Variants in NCKAP1L observed in about 807,000 individuals in gnomAD.
The protein encoded by NCKAP1L is NCK associated protein 1 like, also known as nck-associated protein 1-like.
A neutral mutation model predicts 139.2 loss-of-function variants in NCKAP1L; 53 were observed. The ratio of observed to expected loss-of-function variants is 0.38; its 90% CI spans 0.31 to 0.48. The LOEUF (loss-of-function observed/expected upper bound fraction) is 0.48. Ranked by LOEUF, NCKAP1L falls within the 20% of genes least tolerant of loss-of-function variation. The pLI is 0.98. For synonymous variants in NCKAP1L, 468 were observed against 499.7 expected (o/e 0.94, Z 0.85); for missense variants, 1,151 against 1,381.9 (o/e 0.83, Z 2.65).
chr12:54,511,914 A>G (rs372315156), intron 8 of NCKAP1L, 35 bp from the exon 9 acceptor site: 66 of 1,614,034 alleles, frequency 4.1e-5, no homozygotes, highest in Non-Finnish European at 5.3e-5. Context: ...AACAAGTTCT[A>G]AAAGTCTTCC....
chr12:54,531,270 C>T lies in NCKAP1L; in HGVS notation c.2517C>T (p.Ala839=), dbSNP rs1046911053. ...EEFSDISEMR[A]LAELLGPYGM... is the part of the protein sequence containing the mutation. ...GTAACTCTGTTCCAGAGATGCGGGC[C>T]TTGGCAGAACTCCTGGGCCCCTATG... Residue 839 remains alanine, a synonymous_variant, in exon 23 of 31, where the codon GCC becomes GCT. Coordinates refer to ENST00000293373, the MANE Select transcript of NCKAP1L (RefSeq NM_005337.5). 3.1e-6 allele frequency: 5 copies of T among 1,613,992 alleles called. No homozygotes were observed. The African/African-American group carries it at 5.3e-5, about 17-fold the overall frequency.
chr12:54,542,445 T>C (rs558420817), intron 30 of NCKAP1L, 130 bp from the exon 31 acceptor site: 80 of 687,984 alleles, frequency 1.2e-4, no homozygotes, highest in Admixed American at 1.1e-3. Flanking sequence ...AAGAGGGGGG[T>C]GTGATTTGGA....
At chr12:54,514,287 G>C (rs12425890) in intron 9 of NCKAP1L, among the ~76,000 whole-genome samples, 1 of 151,580 alleles carries the variant, frequency 6.6e-6, no homozygotes, top group African/African-American at 2.4e-5. Context: ...ACATTCTTAG[G>C]CATATATCTT....
chr12:54,535,281 C>G, intron 27 of NCKAP1L, 84 bp downstream of exon 27: 3 of 1,028,694 alleles, frequency 2.9e-6, no homozygotes, highest in South Asian at 1.4e-5. Flanking sequence ...GTCAAAGAAG[C>G]CTTTATTTGA....
chr12:54,516,004 C>T (rs909824842), intron 9 of NCKAP1L, among the ~76,000 whole-genome samples: 3 of 151,456 alleles, frequency 2.0e-5, no homozygotes, highest in Admixed American at 1.3e-4. Context: ...ATTTCCCTTC[C>T]CTAGGTATTA....
intron 20 of NCKAP1L, among the ~76,000 whole-genome samples, chr12:54,525,537 C>T (rs534843552): frequency 5.9e-5 from 9 of 152,250 alleles, no homozygotes; most frequent in Non-Finnish European, 1.2e-4. Flanking sequence ...AAGTTTTACC[C>T]GAATAATCTC....
rs1957007020 is a variant in NCKAP1L at position 54,523,912 on chromosome 12, C to T, written c.2112C>T (p.Phe704=). Residue 704 remains phenylalanine (F), a synonymous_variant, in exon 20 of 31, where the codon TTC becomes TTT. Coordinates refer to ENST00000293373, the MANE Select transcript of NCKAP1L (RefSeq NM_005337.5). The part of the protein sequence containing the change: ...YSFSVFEHTI[F]PSEYLSSHLE... ...TCTCCGTGTTTGAACATACTATCTTCCCTTCTGAGTACCTCAGCAGCCACC... is the reference window on the plus strand; with the variant it reads ...TCTCCGTGTTTGAACATACTATCTTTCCTTCTGAGTACCTCAGCAGCCACC... 2 of 1,614,190 alleles carry T rather than the reference C, an allele frequency of 1.2e-6. No individual in the cohort carries two copies.
chr12:54,506,796 A>AAAAATAT lies in NCKAP1L; in HGVS notation c.307-1056_307-1055insAAATATA. ...TTTTGGCAACATATTAAAAAAAAAA[A>AAAAATAT]ATATATATATATATATATATATATA... On this transcript the variant is annotated intron_variant, in intron 3 of 30. Transcript: ENST00000293373. Among the ~76,000 whole-genome samples, 352 of 50,598 alleles carry AAAAATAT rather than the reference A, an allele frequency of 7.0e-3. 4 individuals carry two copies. The highest frequency in any genetic ancestry group is 0.052 in the South Asian group (44 of 848). The allele number at this position is 50,598 out of a possible 152,430, so 33.2% of individuals were successfully genotyped here. A position where few individuals can be genotyped will look rare whatever the true frequency, so the allele number is the denominator to read the frequency against.
Position 54,547,607 on chromosome 12 carries a change from G to A in NCKAP1L, c.*4922G>A, listed in dbSNP as rs1957208643. 1 of 151,654 alleles carries A rather than the reference G, an allele frequency of 6.6e-6. No individual in the cohort carries two copies. The highest frequency in any genetic ancestry group is 1.5e-5 in the Non-Finnish European group (1 of 67,954). 9.4% of individuals were successfully genotyped at this position (151,654 alleles called of 1,614,324 possible). A position where few individuals can be genotyped will look rare whatever the true frequency, so the allele number is the denominator to read the frequency against. On this transcript the variant is annotated 3_prime_UTR_variant, in exon 31 of 31. Transcript: ENST00000293373. ...ATGTGACACTGTGTTAACAAGAAAT[G>A]TTGAGAGAGCCCTCTGGATGTATGT...
Position 54,509,702 on chromosome 12 carries a change from C to T in NCKAP1L, c.540C>T (p.Val180=). The T allele has an allele frequency of 5.0e-6, 8 of 1,614,166 alleles. No homozygotes were observed. Among genetic ancestry groups the T allele is most frequent in the Non-Finnish European group, 6.8e-6 (8 of 1,180,010 alleles). ...DPSFARLGQM[V]LEYDHPLKKL... ...GTTTTGCCCGTCTGGGTCAGATGGT[C>T]TTGGAGTATGACCACCCTCTGAAGA... Residue 180 remains valine, a synonymous_variant, in exon 6 of 31, where the codon GTC becomes GTT. Transcript: ENST00000293373.
In NCKAP1L at chr12:54,517,522, C is replaced by A. The variant is rs776050299; in HGVS notation, c.1096-11C>A. On this transcript the variant is annotated splice_polypyrimidine_tract_variant and intron_variant, in intron 11 of 30. Coordinates refer to ENST00000293373, the MANE Select transcript of NCKAP1L (RefSeq NM_005337.5). ...AGTTGAAAATTCTAATAGTCTCTAC[C>A]CCCTCCATAGGCTCTTTTTGCTTTC... 1 of 1,589,902 alleles carries A rather than the reference C, an allele frequency of 6.3e-7. No individual in the cohort carries two copies. The highest frequency in any genetic ancestry group is 8.6e-7 in the Non-Finnish European group (1 of 1,158,096).
intron 16 of NCKAP1L, among the ~76,000 whole-genome samples, chr12:54,519,821 G>A (rs115584661): frequency 0.012 from 1,762 of 151,432 alleles, 28 homozygotes; most frequent in African/African-American, 0.041. Context: ...GCTTCTCTGG[G>A]GTAGTTAGCC....
chr12:54,502,481 T>C (rs573593556), intron 3 of NCKAP1L, among the ~76,000 whole-genome samples: 1 of 152,326 alleles, frequency 6.6e-6, no homozygotes, highest in South Asian at 2.1e-4. Context: ...TCCTAATTGT[T>C]AGTATTTTGC....
chr12:54,498,601 A>G (rs1462744954), intron 1 of NCKAP1L, among the ~76,000 whole-genome samples: 4 of 152,094 alleles, frequency 2.6e-5, no homozygotes, highest in African/African-American at 9.7e-5. Context: ...TTTGTAATAA[A>G]ACAAATCACC....
Position 54,548,229 on chromosome 12 carries a change from C to T in NCKAP1L, c.*5544C>T, listed in dbSNP as rs1957215138. The T allele has an allele frequency of 6.6e-6, 1 of 152,242 alleles. No homozygotes were observed. The highest frequency in any genetic ancestry group is 6.5e-5 in the Admixed American group (1 of 15,284). The allele number at this position is 152,242 out of a possible 1,614,324, so 9.4% of individuals were successfully genotyped here. A position where few individuals can be genotyped will look rare whatever the true frequency, so the allele number is the denominator to read the frequency against. The stretch of plus-strand genomic sequence containing the variant: ...CAGAATTTTTTGAAATTAAAATTCA[C>T]ATTCTGGGATCCTGGATTAGTGGCC... On this transcript the variant is annotated 3_prime_UTR_variant, in exon 31 of 31. Transcript: ENST00000293373.
At chr12:54,518,568 A>G (rs1565677158) in intron 13 of NCKAP1L, 83 bp from the exon 14 acceptor site, 1 of 1,040,706 alleles carries the variant, frequency 9.6e-7, no homozygotes, top group African/African-American at 1.6e-5. Flanking sequence ...TTCTACCTTC[A>G]TACGCTGACT....
chr12:54,500,534 A>G lies in NCKAP1L; in HGVS notation c.215A>G (p.Gln72Arg). ...FPNIDVRNST[Q>R]HLGPVHREKA... ...TGTTTTGTTTTGTGTTTCTCTCAGC[A>G]ACATTTAGGACCAGTACATCGTGAA... Residue 72 changes from glutamine to arginine, a missense_variant and splice_region_variant, in exon 3 of 31, where the codon CAA becomes CGA. Coordinates refer to ENST00000293373, the MANE Select transcript of NCKAP1L (RefSeq NM_005337.5). 1 of 1,607,698 alleles carries G rather than the reference A, an allele frequency of 6.2e-7. No homozygotes were observed. Among genetic ancestry groups the G allele is most frequent in the African/African-American group, 1.3e-5 (1 of 74,902 alleles).
At chr12:54,510,659 G>T (rs1463056570) in intron 7 of NCKAP1L, among the ~76,000 whole-genome samples, 1 of 151,084 alleles carries the variant, frequency 6.6e-6, no homozygotes, top group African/African-American at 2.4e-5. Flanking sequence ...ACAGGCATGT[G>T]CCGCCACACC....
chr12:54,537,203 A>G (rs1046819999), intron 29 of NCKAP1L, 150 bp downstream of exon 29: 3 of 536,502 alleles, frequency 5.6e-6, no homozygotes, highest in African/African-American at 3.9e-5. Flanking sequence ...ACTATGTGAA[A>G]GGCAAGAGTT....
Sources: allele counts gnomAD v4.1 joint callset (sites outside exome capture counted in the v4.1 genomes callset), GRCh38; gene constraint gnomAD v4.1.1; transcripts MANE v1.5; gene names NCBI Gene and HGNC (gene_info 2026-07-23, HGNC 2026-07-21).